Variants in INPP4B observed in about 807,000 individuals in gnomAD.
INPP4B encodes the protein inositol polyphosphate-4-phosphatase type II B.
Under a neutral mutation model 122.5 loss-of-function variants are expected in INPP4B, and 55 were observed. The ratio of observed to expected loss-of-function variants is 0.45; its 90% CI spans 0.36 to 0.56. INPP4B has a LOEUF of 0.56. Ranked by LOEUF, INPP4B falls within the 20% of genes least tolerant of loss-of-function variation. The probability of loss-of-function intolerance (pLI) is 0.00; values close to 1 mark genes in which losing one functional copy is unlikely to be tolerated. For synonymous variants in INPP4B, 403 were observed against 388.7 expected (o/e 1.04, Z -0.43); for missense variants, 1,000 against 1,097.7 (o/e 0.91, Z 1.26).
chr4:142,160,000 T>C (rs1167419282), intron 17 of INPP4B, among the ~76,000 whole-genome samples: 2 of 152,060 alleles, frequency 1.3e-5, no homozygotes, highest in African/African-American at 2.4e-5. Flanking sequence ...AAAATACTTG[T>C]TGCATCTAAG....
intron 5 of INPP4B, among the ~76,000 whole-genome samples, chr4:142,406,302 T>G (rs1187449722): frequency 7.2e-5 from 11 of 152,022 alleles, no homozygotes; most frequent in Non-Finnish European, 1.3e-4. Flanking sequence ...GGTGAGGGCA[T>G]GCAGGGTTCT....
intron 18 of INPP4B, among the ~76,000 whole-genome samples, chr4:142,133,983 A>G (rs1178051475): frequency 6.6e-6 from 1 of 152,110 alleles, no homozygotes; most frequent in African/African-American, 2.4e-5. Context: ...CTCTGTCACC[A>G]TTACTATACC....
intron 3 of INPP4B, among the ~76,000 whole-genome samples, chr4:142,451,924 C>A (rs1814335760): frequency 6.6e-6 from 1 of 152,162 alleles, no homozygotes; most frequent in Non-Finnish European, 1.5e-5. Context: ...TGTGACAAGG[C>A]ACCCTTTTTT....
chr4:142,573,921 T>C (rs541010702), intron 2 of INPP4B, among the ~76,000 whole-genome samples: 2 of 152,286 alleles, frequency 1.3e-5, no homozygotes, highest in African/African-American at 4.8e-5. Context: ...CTTATGTACC[T>C]ATTTATTTGC....
chr4:142,563,555 CA>C (rs780927678), intron 2 of INPP4B, among the ~76,000 whole-genome samples: 1 of 152,068 alleles, frequency 6.6e-6, no homozygotes, highest in African/African-American at 2.4e-5. Flanking sequence ...TTACAATCAT[CA>C]ATTCATATAT....
chr4:142,344,005 A>G (rs868748716), intron 7 of INPP4B, among the ~76,000 whole-genome samples: 8 of 152,110 alleles, frequency 5.3e-5, no homozygotes, highest in South Asian at 4.1e-4. Context: ...CTAAACTATA[A>G]TAACAGTTAT....
chr4:142,817,468 T>C (rs1294664460), intron 1 of INPP4B, among the ~76,000 whole-genome samples: 1 of 152,186 alleles, frequency 6.6e-6, no homozygotes, highest in African/African-American at 2.4e-5. Context: ...CTTTAATCTT[T>C]GAACGTACGG....
chr4:142,423,986 G>T (rs1484027669), intron 5 of INPP4B, among the ~76,000 whole-genome samples: 1 of 151,910 alleles, frequency 6.6e-6, no homozygotes, highest in Non-Finnish European at 1.5e-5. Flanking sequence ...AATAAATAAT[G>T]ATTTATTGTG....
At chr4:142,731,896 T>C (rs1580793701) in intron 1 of INPP4B, among the ~76,000 whole-genome samples, 1 of 152,176 alleles carries the variant, frequency 6.6e-6, no homozygotes, top group East Asian at 1.9e-4. Flanking sequence ...AGCCAATACC[T>C]GGTATCCAGG....
intron 5 of INPP4B, chr4:142,426,399 AG>A (rs1808060726): frequency 6.6e-6 from 1 of 152,010 alleles, no homozygotes; most frequent in Admixed American, 6.6e-5. Flanking sequence ...GTGTTCTCTT[AG>A]GTTTTTAATT....
At chr4:142,041,365 C>T (rs1057282364) in intron 25 of INPP4B, among the ~76,000 whole-genome samples, 1 of 152,068 alleles carries the variant, frequency 6.6e-6, no homozygotes, top group Non-Finnish European at 1.5e-5. Context: ...TGCCTGTAAT[C>T]CCAGCACTTT....
At chr4:142,052,812 A>G (rs1000299092) in intron 25 of INPP4B, among the ~76,000 whole-genome samples, 1 of 151,832 alleles carries the variant, frequency 6.6e-6, no homozygotes, top group African/African-American at 2.4e-5. Flanking sequence ...TGGCCTAGGT[A>G]CTCTCTATAA....
At chr4:142,315,093 C>T (rs1767000567) in intron 7 of INPP4B, among the ~76,000 whole-genome samples, 1 of 152,148 alleles carries the variant, frequency 6.6e-6, no homozygotes, top group South Asian at 2.1e-4. Flanking sequence ...ATAGAGAAAG[C>T]AATTCCATGC....
intron 2 of INPP4B, among the ~76,000 whole-genome samples, chr4:142,514,769 AT>A (rs1299266988): frequency 6.7e-6 from 1 of 150,212 alleles, no homozygotes; most frequent in Non-Finnish European, 1.5e-5. Flanking sequence ...ATACACTGCC[AT>A]CCCCTGCACA....
chr4:142,257,927 A>T (rs1047912813), intron 11 of INPP4B, among the ~76,000 whole-genome samples: 7 of 152,178 alleles, frequency 4.6e-5, no homozygotes, highest in African/African-American at 1.7e-4. Flanking sequence ...AAAGCTGGAG[A>T]CATCGCACTA....
At chr4:142,031,889 A>G (rs1034278150) in intron 25 of INPP4B, among the ~76,000 whole-genome samples, 1 of 152,208 alleles carries the variant, frequency 6.6e-6, no homozygotes, top group Admixed American at 6.5e-5. Flanking sequence ...ACAAGGTTGG[A>G]TACATCAGAT....
chr4:142,718,621 G>T (rs921459997), intron 2 of INPP4B, among the ~76,000 whole-genome samples: 1 of 152,148 alleles, frequency 6.6e-6, no homozygotes, highest in African/African-American at 2.4e-5. Flanking sequence ...GGTAGTCAGG[G>T]CCACGAGCAA....
intron 2 of INPP4B, among the ~76,000 whole-genome samples, chr4:142,718,951 C>T (rs1356727069): frequency 2.6e-5 from 4 of 152,176 alleles, no homozygotes; most frequent in Non-Finnish European, 5.9e-5. Context: ...CCCCACCTCA[C>T]TATACCAACT....
At chr4:142,306,716 A>G (rs1220732651) in intron 8 of INPP4B, among the ~76,000 whole-genome samples, 1 of 152,126 alleles carries the variant, frequency 6.6e-6, no homozygotes, top group East Asian at 1.9e-4. Context: ...ATTTGGTAAA[A>G]CACGCTGGTC....
Sources: gnomAD v4.1 joint callset for allele counts (sites outside exome capture counted in the v4.1 genomes callset) on GRCh38, gnomAD v4.1.1 for gene constraint, MANE v1.5 for transcripts, NCBI Gene and HGNC (gene_info 2026-07-23, HGNC 2026-07-21) for gene names.